SEMA3E: variants seen among roughly 807,000 people sequenced by gnomAD.
SEMA3E encodes the protein semaphorin 3E.
A neutral mutation model predicts 93.6 loss-of-function variants in SEMA3E; 49 were observed. The observed-to-expected ratio is 0.52, with a 90% CI of 0.42 to 0.66. The LOEUF (loss-of-function observed/expected upper bound fraction) is 0.66, where lower values mean the gene tolerates loss of function less well. Among genes scored for constraint, SEMA3E ranks in the 30% least tolerant of loss-of-function variants. SEMA3E has a pLI of 0.00. For synonymous variants in SEMA3E, 363 were observed against 330.7 expected, an observed-to-expected ratio of 1.10 and a Z score of -1.06; for missense variants, 906 against 964.8, an observed-to-expected ratio of 0.94 and a Z score of 0.81.
At chr7:83,390,083 G>GTATA (rs1787981325) in intron 14 of SEMA3E, among the ~76,000 whole-genome samples, 1 of 105,532 alleles carries the variant, frequency 9.5e-6, no homozygotes, top group Admixed American at 1.0e-4. Context: ...GTATACGTGT[G>GTATA]CACATATATG....
rs1323485288 is a variant in SEMA3E at position 83,603,596 on chromosome 7, T to A, written c.115+44832A>T. Among the ~76,000 whole-genome samples, 4 of 152,180 alleles carry A rather than the reference T, an allele frequency of 2.6e-5. No individual in the cohort carries two copies. The East Asian group carries it at 5.8e-4, about 22-fold the overall frequency. Reference sequence around the variant, plus strand: ...ATTAAGAAGATGAGAAAGTACTCCATCTGTAGTATTAGTTTCAGTTTAGTT... The same window carrying A: ...ATTAAGAAGATGAGAAAGTACTCCAACTGTAGTATTAGTTTCAGTTTAGTT... On this transcript the variant is annotated intron_variant, in intron 1 of 16. Coordinates refer to ENST00000643230, the MANE Select transcript of SEMA3E (RefSeq NM_012431.3).
intron 1 of SEMA3E, among the ~76,000 whole-genome samples, chr7:83,601,405 TG>T (rs1792994292): frequency 6.6e-6 from 1 of 150,624 alleles, no homozygotes; most frequent in Non-Finnish European, 1.5e-5. Flanking sequence ...ATTTATTTGC[TG>T]GGTGAACTTG....
intron 4 of SEMA3E, among the ~76,000 whole-genome samples, chr7:83,454,065 TGG>T (rs1464410576): frequency 1.3e-5 from 2 of 151,340 alleles, no homozygotes; most frequent in Non-Finnish European, 2.9e-5. Flanking sequence ...GAGACCATCC[TGG>T]CTAACACGGT....
At chr7:83,463,030 C>T (rs1173636372) in intron 4 of SEMA3E, among the ~76,000 whole-genome samples, 1 of 146,654 alleles carries the variant, frequency 6.8e-6, no homozygotes, top group Non-Finnish European at 1.5e-5. Context: ...TGCCGCAAAG[C>T]TTCACAGACA....
intron 1 of SEMA3E, among the ~76,000 whole-genome samples, chr7:83,608,559 G>A (rs974355319): frequency 6.6e-6 from 1 of 151,924 alleles, no homozygotes; most frequent in African/African-American, 2.4e-5. Context: ...TTAGTATGGT[G>A]AGCTTTCAGT....
intron 16 of SEMA3E, among the ~76,000 whole-genome samples, chr7:83,377,949 A>C (rs1449708144): frequency 1.3e-5 from 2 of 151,938 alleles, no homozygotes; most frequent in Non-Finnish European, 1.5e-5. Context: ...TCAGTATTAA[A>C]ATTTTTGTAG....
At chr7:83,620,133 A>G (rs1199869533) in intron 1 of SEMA3E, among the ~76,000 whole-genome samples, 1 of 151,954 alleles carries the variant, frequency 6.6e-6, no homozygotes, top group East Asian at 1.9e-4. Flanking sequence ...ATAAAGTGAT[A>G]GGAATGAGGG....
intron 1 of SEMA3E, among the ~76,000 whole-genome samples, chr7:83,494,021 A>G (rs904109548): frequency 6.6e-6 from 1 of 151,922 alleles, no homozygotes; most frequent in African/African-American, 2.4e-5. Flanking sequence ...ACTCTTATTT[A>G]TTCAATATTA....
At chr7:83,567,119 C>T (rs978355282) in intron 1 of SEMA3E, among the ~76,000 whole-genome samples, 1 of 152,096 alleles carries the variant, frequency 6.6e-6, no homozygotes, top group Non-Finnish European at 1.5e-5. Context: ...GCTTTGCTTA[C>T]TCAGATAAAG....
At chr7:83,639,450 T>C (rs760721910) in intron 1 of SEMA3E, among the ~76,000 whole-genome samples, 3 of 151,978 alleles carry the variant, frequency 2.0e-5, no homozygotes, top group Non-Finnish European at 4.4e-5. Flanking sequence ...CAACTAAATA[T>C]ATATACATTT....
chr7:83,541,376 G>A (rs1005918741), intron 1 of SEMA3E, among the ~76,000 whole-genome samples: 1 of 152,120 alleles, frequency 6.6e-6, no homozygotes, highest in Admixed American at 6.6e-5. Flanking sequence ...AACATTTGGT[G>A]AATCAATAAA....
chr7:83,630,136 A>G (rs1440852396), intron 1 of SEMA3E, among the ~76,000 whole-genome samples: 4 of 152,126 alleles, frequency 2.6e-5, no homozygotes, highest in Admixed American at 6.5e-5. Flanking sequence ...ACCAGTCCCA[A>G]TGAGATGAGC....
intron 1 of SEMA3E, among the ~76,000 whole-genome samples, chr7:83,611,130 T>A (rs1417714444): frequency 1.3e-5 from 2 of 151,076 alleles, no homozygotes; most frequent in Admixed American, 6.7e-5. Context: ...TCTCTCTGCA[T>A]CTCTATGGCA....
intron 1 of SEMA3E, among the ~76,000 whole-genome samples, chr7:83,607,186 T>C (rs1793142170): frequency 6.6e-6 from 1 of 152,216 alleles, no homozygotes; most frequent in African/African-American, 2.4e-5. Context: ...TACATAACTT[T>C]TAAAAAGTAC....
intron 1 of SEMA3E, among the ~76,000 whole-genome samples, chr7:83,642,810 T>A (rs1016874855): frequency 6.6e-6 from 1 of 152,046 alleles, no homozygotes; most frequent in Non-Finnish European, 1.5e-5. Flanking sequence ...TTGGAAAATA[T>A]TATAAATGGT....
chr7:83,418,400 G>A lies in SEMA3E; in HGVS notation c.540C>T (p.Ser180=). The change falls in exon 5 of 17, where the codon TCC becomes TCT. Residue 180 remains serine, a synonymous_variant. Transcript: ENST00000643230. ...GGCAATGACAATTACCAATTAAAGTGGAGATGAAGGAGGAGCTGGGGTCAA... is the reference window on the plus strand; with the variant it reads ...GGCAATGACAATTACCAATTAAAGTAGAGATGAAGGAGGAGCTGGGGTCAA... ...CPFDPSSSFI[S]TLIGSELFAG... The A allele has an allele frequency of 6.2e-7, 1 of 1,608,604 alleles. No homozygotes were observed. Among genetic ancestry groups the A allele is most frequent in the Non-Finnish European group, 8.5e-7 (1 of 1,176,252 alleles).
At chr7:83,582,808 A>T (rs1282719477) in intron 1 of SEMA3E, among the ~76,000 whole-genome samples, 1 of 152,070 alleles carries the variant, frequency 6.6e-6, no homozygotes, top group African/African-American at 2.4e-5. Context: ...ATATACATAT[A>T]TACACATATA....
intron 1 of SEMA3E, among the ~76,000 whole-genome samples, chr7:83,537,856 C>A (rs1179386979): frequency 6.6e-6 from 1 of 152,110 alleles, no homozygotes; most frequent in African/African-American, 2.4e-5. Context: ...CTGCCTCCAC[C>A]ACCACTGTCT....
chr7:83,478,064 G>C (rs1314770295), intron 2 of SEMA3E, among the ~76,000 whole-genome samples: 4 of 151,990 alleles, frequency 2.6e-5, no homozygotes, highest in African/African-American at 7.3e-5. Context: ...GGGATTACAG[G>C]CACCTGCCAC....
Sources: allele counts gnomAD v4.1 joint callset (sites outside exome capture counted in the v4.1 genomes callset), GRCh38; gene constraint gnomAD v4.1.1; transcripts MANE v1.5; gene names NCBI Gene and HGNC (gene_info 2026-07-23, HGNC 2026-07-21).